Variants in PLIN3 observed in about 807,000 individuals in gnomAD.
The protein encoded by PLIN3 is perilipin-3.
A neutral mutation model predicts 35.9 loss-of-function variants in PLIN3; 30 were observed. That is an observed-to-expected ratio of 0.84 (90% CI 0.62 to 1.13). The LOEUF is 1.13. Among genes scored for constraint, PLIN3 ranks in the 50% most tolerant of loss-of-function variants. The probability of loss-of-function intolerance (pLI) is 0.00; values close to 1 mark genes in which losing one functional copy is unlikely to be tolerated. For missense variants in PLIN3, 603 were observed against 596.9 expected (o/e 1.01, Z -0.11); for synonymous variants, 261 against 262.5 (o/e 0.99, Z 0.06).
intron 4 of PLIN3, among the ~76,000 whole-genome samples, chr19:4,854,762 G>A (rs927798225): frequency 6.6e-6 from 1 of 151,914 alleles, no homozygotes; most frequent in Admixed American, 6.6e-5. Flanking sequence ...TCTTCACAAA[G>A]GGGGAAAAAA....
chr19:4,859,443 G>A, intron 4 of PLIN3, 147 bp downstream of exon 4: 1 of 702,968 alleles, frequency 1.4e-6, no homozygotes, highest in Non-Finnish European at 2.6e-6. Flanking sequence ...TACCCTGTGG[G>A]GAGTGGATTC....
intron 1 of PLIN3, among the ~76,000 whole-genome samples, chr19:4,862,485 A>G (rs1296841583): frequency 1.3e-5 from 2 of 151,922 alleles, no homozygotes; most frequent in African/African-American, 4.8e-5. Context: ...GTCTCAAACA[A>G]TCCTCTTGCC....
At chr19:4,859,706 C>A in intron 3 of PLIN3, 34 bp from the exon 4 acceptor site, 2 of 1,606,192 alleles carry the variant, frequency 1.2e-6, no homozygotes, top group Non-Finnish European at 8.5e-7. Flanking sequence ...AATGTGACTG[C>A]TGGAAGGTCA....
chr19:4,856,512 C>T (rs541250331), intron 4 of PLIN3, among the ~76,000 whole-genome samples: 164 of 150,796 alleles, frequency 1.1e-3, no homozygotes, highest in African/African-American at 3.3e-3. Flanking sequence ...GAGCCGAGAT[C>T]GCACCATTGC....
At position 4,838,712 on chromosome 19, in the gene PLIN3, G is replaced by A. The variant is rs1175679967; in HGVS notation, c.*480C>T. On this transcript the variant is annotated 3_prime_UTR_variant, in exon 8 of 8. Transcript: ENST00000221957. The stretch of plus-strand genomic sequence containing the variant: ...TCTCTTGCCTCAGCCTCCTAACTGG[G>A]ATAACAGACACCTGCTACCATGCCC... The A allele has an allele frequency of 2.0e-5, 3 of 151,692 alleles. No homozygotes were observed. Among genetic ancestry groups the A allele is most frequent in the Non-Finnish European group, 2.9e-5 (2 of 68,078 alleles). The allele number at this position is 151,692 out of a possible 1,614,324, so 9.4% of individuals were successfully genotyped here.
rs147909925 is a variant in PLIN3 at position 4,865,644 on chromosome 19, C to T, written c.-18+1965G>A. ...CTCCTGGTGGCCTTGCTTCGATGTC[C>T]CCTAAGCAGAACCCAGCAAAATGAT... On this transcript the variant is annotated intron_variant, in intron 1 of 7. Coordinates refer to ENST00000221957, the MANE Select transcript of PLIN3 (RefSeq NM_005817.5). Among the ~76,000 whole-genome samples, 64 of 152,184 alleles carry T rather than the reference C, an allele frequency of 4.2e-4. 2 individuals carry two copies. The highest frequency in any genetic ancestry group is 1.3e-3 in the African/African-American group (53 of 41,524).
rs2030006277 is a variant in PLIN3, at chr19:4,844,221, T to G, written c.960+447A>C. On this transcript the variant is annotated intron_variant, in intron 7 of 7. Transcript: ENST00000221957. ...GCTCACGCTTGTAATCCCAACACTT[T>G]GGGAGGCTGGGCAGGGCGGATCACT... Among the ~76,000 whole-genome samples, 8 of 152,174 alleles carry G rather than the reference T, an allele frequency of 5.3e-5. No individual in the cohort carries two copies. In the South Asian group the frequency reaches 1.7e-3, roughly 32 times the overall value.
At chr19:4,864,892 T>C (rs1288775921) in intron 1 of PLIN3, among the ~76,000 whole-genome samples, 6 of 152,028 alleles carry the variant, frequency 3.9e-5, no homozygotes, top group Admixed American at 3.3e-4. Context: ...TCATCTTACC[T>C]GTAATATGAG....
At position 4,861,411 on chromosome 19, in the gene PLIN3, G is replaced by C; in HGVS notation, c.-17C>G. On this transcript the variant is annotated splice_region_variant and 5_prime_UTR_variant, in exon 2 of 8. Transcript: ENST00000221957. The stretch of plus-strand genomic sequence containing the variant: ...GGCAGACATGGTCTCTGCAGCAGAC[G>C]CTGAGGAGAGAGGAACAGTCAGGTA... 1 of 1,608,210 alleles carries C rather than the reference G, an allele frequency of 6.2e-7. No individual in the cohort carries two copies. The highest frequency in any genetic ancestry group is 2.2e-5 in the East Asian group (1 of 44,866).
At chr19:4,844,211 C>G (rs2030005744) in intron 7 of PLIN3, among the ~76,000 whole-genome samples, 1 of 152,108 alleles carries the variant, frequency 6.6e-6, no homozygotes, top group African/African-American at 2.4e-5. Context: ...CGCTTGTAAT[C>G]CCAACACTTT....
chr19:4,853,576 G>A (rs2030375290), intron 4 of PLIN3, among the ~76,000 whole-genome samples: 1 of 151,646 alleles, frequency 6.6e-6, no homozygotes, highest in Non-Finnish European at 1.5e-5. Flanking sequence ...CCACTTGCCT[G>A]GGCCTCCCAA....
intron 6 of PLIN3, 124 bp from the exon 7 acceptor site, chr19:4,844,917 G>A: frequency 8.5e-7 from 1 of 1,180,888 alleles, no homozygotes; most frequent in South Asian, 1.6e-5. Context: ...AGAAAGGGAG[G>A]GAGGGAGGAA....
chr19:4,858,802 A>G (rs1207625068), intron 4 of PLIN3, among the ~76,000 whole-genome samples: 4 of 149,514 alleles, frequency 2.7e-5, no homozygotes, highest in African/African-American at 4.9e-5. Flanking sequence ...CCAGGGTTCA[A>G]GAAATTCTCC....
At chr19:4,851,895 C>A in intron 5 of PLIN3, 121 bp downstream of exon 5, 3 of 1,047,884 alleles carry the variant, frequency 2.9e-6, no homozygotes, top group East Asian at 2.6e-5. Context: ...CCAAGATGCC[C>A]GGGAGAAGTG....
At chr19:4,842,198 G>A (rs572449122) in intron 7 of PLIN3, among the ~76,000 whole-genome samples, 36 of 151,898 alleles carry the variant, frequency 2.4e-4, no homozygotes, top group African/African-American at 5.1e-4. Flanking sequence ...GGGCCAAGAC[G>A]GGTGGATAAC....
intron 5 of PLIN3, among the ~76,000 whole-genome samples, chr19:4,849,100 G>T (rs2030201822): frequency 6.6e-6 from 1 of 150,858 alleles, no homozygotes; most frequent in Admixed American, 6.6e-5. Flanking sequence ...GAGTAGCTGG[G>T]ACTACATAAA....
chr19:4,857,380 G>A (rs2030509230), intron 4 of PLIN3, among the ~76,000 whole-genome samples: 1 of 151,866 alleles, frequency 6.6e-6, no homozygotes, highest in Non-Finnish European at 1.5e-5. Context: ...GAACAGCCTG[G>A]GCAACATGGT....
intron 4 of PLIN3, among the ~76,000 whole-genome samples, chr19:4,858,659 G>A (rs186737150): frequency 1.5e-4 from 23 of 151,022 alleles, no homozygotes; most frequent in African/African-American, 5.1e-4. Flanking sequence ...TGGGATTACA[G>A]GCATGAGCCA....
chr19:4,845,925 C>CAAAA (rs59469893), intron 6 of PLIN3, among the ~76,000 whole-genome samples: 1 of 46,626 alleles, frequency 2.1e-5, no homozygotes, highest in Non-Finnish European at 4.2e-5. Flanking sequence ...GACTCCGTCT[C>CAAAA]AAAAAAAAAA....
Sources: allele counts gnomAD v4.1 joint callset (sites outside exome capture counted in the v4.1 genomes callset), GRCh38; gene constraint gnomAD v4.1.1; transcripts MANE v1.5; gene names NCBI Gene and HGNC (gene_info 2026-07-23, HGNC 2026-07-21).